The following DPP10 variants were observed in gnomAD, a reference collection of about 807,000 sequenced individuals.
DPP10 encodes dipeptidyl peptidase like 10.
A neutral mutation model predicts 120.9 loss-of-function variants in DPP10; 33 were observed. The ratio of observed to expected loss-of-function variants is 0.27; its 90% CI spans 0.21 to 0.37. The LOEUF (loss-of-function observed/expected upper bound fraction) is 0.37. Ranked by LOEUF, DPP10 falls within the 10% of genes least tolerant of loss-of-function variation. The pLI, the probability that DPP10 is intolerant of heterozygous loss-of-function variation, is 1.00. For synonymous variants in DPP10, 337 were observed against 326.1 expected (o/e 1.03, Z -0.36); for missense variants, 816 against 942.8 (o/e 0.87, Z 1.76).
rs1371016419 is a variant in DPP10 at position 115,658,442 on chromosome 2, ATTTATT to A, written c.442-31242_442-31237del. Among the ~76,000 whole-genome samples the A allele has an allele frequency of 4.6e-5, 7 of 150,594 alleles. No homozygotes were observed. In the South Asian group the frequency reaches 1.5e-3, roughly 31 times the overall value. ...TCTTAAAATCTCTCTCTCTTTTTAT[ATTTATT>A]TTAGTTTGGCAGCAAACATTAGTTC... On this transcript the variant is annotated intron_variant, in intron 5 of 25. Coordinates refer to ENST00000410059, the MANE Select transcript of DPP10 (RefSeq NM_020868.6).
intron 3 of DPP10, among the ~76,000 whole-genome samples, chr2:115,434,611 A>T (rs1175224951): frequency 1.8e-5 from 2 of 111,340 alleles, no homozygotes; most frequent in East Asian, 4.5e-4. Context: ...ATGCATGTAT[A>T]TAAGATTTAA....
intron 3 of DPP10, among the ~76,000 whole-genome samples, chr2:115,498,315 T>G (rs558917273): frequency 6.6e-6 from 1 of 152,276 alleles, no homozygotes; most frequent in East Asian, 1.9e-4. Flanking sequence ...ATATAAATTG[T>G]ACGTGTAACT....
intron 1 of DPP10, among the ~76,000 whole-genome samples, chr2:115,246,200 C>G (rs904638470): frequency 6.6e-6 from 1 of 152,058 alleles, no homozygotes; most frequent in Non-Finnish European, 1.5e-5. Context: ...TACGAACTGA[C>G]TAGATTCATT....
At chr2:115,220,557 A>C (rs1215173099) in intron 1 of DPP10, among the ~76,000 whole-genome samples, 1 of 152,126 alleles carries the variant, frequency 6.6e-6, no homozygotes, top group African/African-American at 2.4e-5. Context: ...TATAAAAATA[A>C]AAATTTAAAA....
At chr2:115,275,463 G>A (rs1392149017) in intron 1 of DPP10, among the ~76,000 whole-genome samples, 2 of 152,112 alleles carry the variant, frequency 1.3e-5, no homozygotes, top group Non-Finnish European at 2.9e-5. Flanking sequence ...TTGAGGGGTA[G>A]TATCATTAGT....
chr2:114,589,765 C>G (rs1472298399), intron 1 of DPP10, among the ~76,000 whole-genome samples: 1 of 149,030 alleles, frequency 6.7e-6, no homozygotes, highest in Non-Finnish European at 1.5e-5. Context: ...GATACTGTCT[C>G]TTTCTCTTTT....
intron 8 of DPP10, among the ~76,000 whole-genome samples, chr2:115,737,556 G>A (rs1429037217): frequency 2.6e-5 from 4 of 152,012 alleles, no homozygotes; most frequent in African/African-American, 9.7e-5. Flanking sequence ...ATCTCTATTT[G>A]CCATGGGCAC....
At chr2:115,812,405 A>T (rs1217032293) in intron 19 of DPP10, among the ~76,000 whole-genome samples, 4 of 152,196 alleles carry the variant, frequency 2.6e-5, no homozygotes, top group Non-Finnish European at 5.9e-5. Context: ...GCTAGGCATG[A>T]TTCGTGCTAG....
intron 1 of DPP10, among the ~76,000 whole-genome samples, chr2:115,010,271 G>A (rs534270990): frequency 9.2e-5 from 14 of 152,242 alleles, no homozygotes; most frequent in African/African-American, 2.9e-4. Flanking sequence ...GGAGATGGAG[G>A]CACAGTTGCT....
At chr2:115,411,255 C>CG (rs2068933887) in intron 3 of DPP10, among the ~76,000 whole-genome samples, 1 of 152,034 alleles carries the variant, frequency 6.6e-6, no homozygotes, top group Non-Finnish European at 1.5e-5. Context: ...TTGCTTGAAC[C>CG]GGGCAGGCGG....
At chr2:115,722,342 C>T (rs553977537) in intron 7 of DPP10, among the ~76,000 whole-genome samples, 2 of 151,720 alleles carry the variant, frequency 1.3e-5, no homozygotes, top group East Asian at 3.9e-4. Context: ...CCCCACTGTA[C>T]CTCCTCCCAT....
intron 1 of DPP10, chr2:115,297,313 G>A: frequency 2.6e-6 from 1 of 383,524 alleles, no homozygotes; most frequent in South Asian, 1.9e-5. Flanking sequence ...ATTATTAATG[G>A]GCAGCCCAGG....
intron 3 of DPP10, among the ~76,000 whole-genome samples, chr2:115,462,346 G>A (rs746219069): frequency 1.6e-4 from 25 of 152,100 alleles, no homozygotes; most frequent in Non-Finnish European, 2.6e-4. Flanking sequence ...TCTTTTACCT[G>A]GCCTACTGCT....
intron 1 of DPP10, among the ~76,000 whole-genome samples, chr2:114,578,453 T>A (rs1367303060): frequency 1.3e-5 from 2 of 152,192 alleles, no homozygotes; most frequent in East Asian, 3.8e-4. Flanking sequence ...TAGATTAATA[T>A]CATCTATGTC....
chr2:115,531,393 AC>A (rs1430606613), intron 5 of DPP10, among the ~76,000 whole-genome samples: 1 of 152,106 alleles, frequency 6.6e-6, no homozygotes, highest in Non-Finnish European at 1.5e-5. Flanking sequence ...GAAGAGAGCT[AC>A]GCAGCCAGAA....
chr2:115,704,590 A>G (rs2092026361), intron 7 of DPP10, among the ~76,000 whole-genome samples: 1 of 151,978 alleles, frequency 6.6e-6, no homozygotes, highest in Admixed American at 6.6e-5. Flanking sequence ...TGAAAGACTT[A>G]TTGTTATTTC....
chr2:115,459,855 A>G (rs2073875660), intron 3 of DPP10, among the ~76,000 whole-genome samples: 1 of 151,070 alleles, frequency 6.6e-6, no homozygotes, highest in African/African-American at 2.4e-5. Flanking sequence ...CAAGCTGGAA[A>G]GGACTACCAT....
Position 115,197,267 on chromosome 2 carries a change from C to T in DPP10, c.61-111972C>T, listed in dbSNP as rs551158358. On this transcript the variant is annotated intron_variant, in intron 1 of 25. Coordinates refer to ENST00000410059, the MANE Select transcript of DPP10 (RefSeq NM_020868.6). ...ATTAGCCGGGCGTGGTGGTGCACAC[C>T]TGTAGTCCCAGCTACTCAGGAGGCT... Among the ~76,000 whole-genome samples the T allele has an allele frequency of 2.3e-3, 354 of 152,092 alleles. 1 individual carries two copies. Among genetic ancestry groups the T allele is most frequent in the African/African-American group, 8.3e-3 (345 of 41,492 alleles).
chr2:114,957,727 A>C (rs917599908), intron 1 of DPP10, among the ~76,000 whole-genome samples: 2 of 152,206 alleles, frequency 1.3e-5, no homozygotes, highest in Non-Finnish European at 2.9e-5. Context: ...GATAAAGAAA[A>C]TGTAGTGTAC....
Sources: gnomAD v4.1 joint callset for allele counts (sites outside exome capture counted in the v4.1 genomes callset) on GRCh38, gnomAD v4.1.1 for gene constraint, MANE v1.5 for transcripts, NCBI Gene and HGNC (gene_info 2026-07-23, HGNC 2026-07-21) for gene names.